Variants in PPDPFL observed in about 807,000 individuals in gnomAD.
The protein encoded by PPDPFL is pancreatic progenitor cell differentiation and proliferation factor like, also known as pancreatic progenitor cell differentiation and proliferation factor-like protein.
Under a neutral mutation model 12.6 loss-of-function variants are expected in PPDPFL, and 12 were observed. The observed-to-expected ratio is 0.95, with a 90% CI of 0.61 to 1.54. PPDPFL has a LOEUF of 1.54. PPDPFL is among the 40% of genes most tolerant of loss of function. PPDPFL has a pLI of 0.00. For synonymous variants in PPDPFL, 24 were observed against 32.7 expected, an observed-to-expected ratio of 0.73 and a Z score of 0.91; for missense variants, 114 against 96.0, an observed-to-expected ratio of 1.19 and a Z score of -0.78.
intron 1 of PPDPFL, among the ~76,000 whole-genome samples, chr8:49,062,979 A>G (rs1276390337): frequency 6.6e-6 from 1 of 152,310 alleles, no homozygotes; most frequent in African/African-American, 2.4e-5. Context: ...TCTGAAAATC[A>G]TTACCCTAGT....
At chr8:49,055,640 T>C (rs117227443) in intron 1 of PPDPFL, among the ~76,000 whole-genome samples, 2,012 of 152,268 alleles carry the variant, frequency 0.013, 39 homozygotes, top group Middle Eastern at 0.058. Context: ...TGCATCTCCA[T>C]CTACAGCTCT....
chr8:49,055,888 A>G (rs529983855), intron 1 of PPDPFL, among the ~76,000 whole-genome samples: 4 of 152,242 alleles, frequency 2.6e-5, no homozygotes, highest in Admixed American at 2.6e-4. Flanking sequence ...GTATTTTGTC[A>G]GTTGTATAGC....
chr8:49,072,099 T>C (rs1008269592), upstream of PPDPFL, among the ~76,000 whole-genome samples: 1 of 152,198 alleles, frequency 6.6e-6, no homozygotes, highest in African/African-American at 2.4e-5. Context: ...TCACCAGCGG[T>C]TGTGATATTA....
intron 1 of PPDPFL, 104 bp downstream of exon 1, chr8:49,072,586 C>G (rs1295739166): frequency 2.7e-6 from 1 of 368,060 alleles, no homozygotes; most frequent in African/African-American, 2.2e-5. Flanking sequence ...TATAGTTTTT[C>G]TTTTTCACCT....
intron 1 of PPDPFL, among the ~76,000 whole-genome samples, chr8:49,067,066 A>T (rs1251787241): frequency 2.6e-5 from 4 of 152,252 alleles, no homozygotes. Context: ...TAAAATCATG[A>T]CAATTAATGG....
intron 1 of PPDPFL, among the ~76,000 whole-genome samples, chr8:49,054,893 G>A (rs1808088782): frequency 6.6e-6 from 1 of 152,082 alleles, no homozygotes; most frequent in Non-Finnish European, 1.5e-5. Flanking sequence ...TTGTAGGGCA[G>A]GCTCACTTTG....
intron 1 of PPDPFL, among the ~76,000 whole-genome samples, chr8:49,062,280 C>A (rs906808019): frequency 1.3e-5 from 2 of 152,140 alleles, no homozygotes. Context: ...GCATCTAACA[C>A]CCTGGCAAGG....
Position 49,075,261 on chromosome 8 carries a change from G to T in PPDPFL, c.*88G>T. 1 of 1,613,920 alleles carries T rather than the reference G, an allele frequency of 6.2e-7. No individual in the cohort carries two copies. Among genetic ancestry groups the T allele is most frequent in the East Asian group, 2.2e-5 (1 of 44,876 alleles). On this transcript the variant is annotated 3_prime_UTR_variant, in exon 5 of 5. Coordinates refer to ENST00000522267, the MANE Select transcript of PPDPFL (RefSeq NM_001256597.2). ...ATGAACAGTTGATTCTGACAATCAAGATCCTCTGCCTGCTGCAGTGGTCCA... is the reference window on the plus strand; with the variant it reads ...ATGAACAGTTGATTCTGACAATCAATATCCTCTGCCTGCTGCAGTGGTCCA...
chr8:49,075,487 C>A lies in PPDPFL; in HGVS notation c.*314C>A. 2 of 583,808 alleles carry A rather than the reference C, an allele frequency of 3.4e-6. No homozygotes were observed. The highest frequency in any genetic ancestry group is 3.1e-5 in the Admixed American group (1 of 32,568). The allele number at this position is 583,808 out of a possible 1,614,324, so 36.2% of individuals were successfully genotyped here. On this transcript the variant is annotated 3_prime_UTR_variant, in exon 5 of 5. Transcript: ENST00000522267. The stretch of plus-strand genomic sequence containing the variant: ...ACCTGGTGCATCTTTGAAAAGTGTG[C>A]CTTTAGAAACAAGACACCCTTTTAA...
chr8:49,071,378 C>T (rs896117368), upstream of PPDPFL, among the ~76,000 whole-genome samples: 3 of 152,224 alleles, frequency 2.0e-5, no homozygotes, highest in African/African-American at 7.2e-5. Flanking sequence ...GCAAAGCAGG[C>T]CGGGCGCAGT....
At chr8:49,070,930 G>T (rs1047105605), upstream of PPDPFL, among the ~76,000 whole-genome samples, 1 of 152,064 alleles carries the variant, frequency 6.6e-6, no homozygotes, top group Admixed American at 6.5e-5. Context: ...TTTCCAGTAC[G>T]CAGTGGAACA....
intron 4 of PPDPFL, chr8:49,074,611 T>G: frequency 2.0e-6 from 3 of 1,535,628 alleles, no homozygotes; most frequent in Non-Finnish European, 2.6e-6. Flanking sequence ...GGGGATGGAC[T>G]GAGAATCAGA....
chr8:49,072,840 G>A lies in PPDPFL; in HGVS notation c.10G>A (p.Val4Ile), dbSNP rs770263479. 9.3e-6 allele frequency: 15 copies of A among 1,604,710 alleles called. No individual in the cohort carries two copies. Among genetic ancestry groups the A allele is most frequent in the African/African-American group, 4.0e-5 (3 of 74,344 alleles). MAS[V>I]PSIGCLLARN... is the part of the protein sequence containing the mutation. Reference sequence around the variant, plus strand: ...TCTCACGGGTAAAGCCATGGCATCCGTACCTTCCATTGGTTGCCTTCTAGC... The same window carrying A: ...TCTCACGGGTAAAGCCATGGCATCCATACCTTCCATTGGTTGCCTTCTAGC... Residue 4 changes from valine to isoleucine, a missense_variant, in exon 2 of 5, where the codon GTA (valine) becomes ATA (isoleucine). Coordinates refer to ENST00000522267, the MANE Select transcript of PPDPFL (RefSeq NM_001256597.2).
chr8:49,073,024 C>A, intron 2 of PPDPFL, 139 bp downstream of exon 2: 1 of 745,728 alleles, frequency 1.3e-6, no homozygotes, highest in East Asian at 2.9e-5. Context: ...AAGCAGGAGG[C>A]CTCAGGGACT....
At chr8:49,063,964 A>G (rs965358404) in intron 1 of PPDPFL, among the ~76,000 whole-genome samples, 2 of 152,160 alleles carry the variant, frequency 1.3e-5, no homozygotes, top group Admixed American at 6.5e-5. Flanking sequence ...CCCATTAAGA[A>G]AGTGCACCTG....
At chr8:49,056,234 C>A (rs1203109224) in intron 1 of PPDPFL, among the ~76,000 whole-genome samples, 2 of 152,170 alleles carry the variant, frequency 1.3e-5, no homozygotes, top group East Asian at 3.9e-4. Context: ...CAGCTGAATT[C>A]ATGGCATTCT....
chr8:49,069,777 A>G (rs777059283), upstream of PPDPFL, among the ~76,000 whole-genome samples: 7 of 152,182 alleles, frequency 4.6e-5, no homozygotes, highest in African/African-American at 7.2e-5. Flanking sequence ...TCTGCTAAAA[A>G]TACAAAAATT....
intron 1 of PPDPFL, among the ~76,000 whole-genome samples, chr8:49,059,829 A>G (rs2129243704): frequency 6.6e-6 from 1 of 152,332 alleles, no homozygotes; most frequent in South Asian, 2.1e-4. Flanking sequence ...AGTTTTCTGT[A>G]GTTTCTGGCA....
At chr8:49,072,761 G>A (rs1808414514) in intron 1 of PPDPFL, 26 bp from the exon 2 acceptor site, 5 of 1,167,176 alleles carry the variant, frequency 4.3e-6, no homozygotes, top group African/African-American at 3.2e-5. Context: ...TCATATCAAT[G>A]TCTCTTTTCT....
Sources: gnomAD v4.1 joint callset for allele counts (sites outside exome capture counted in the v4.1 genomes callset) on GRCh38, gnomAD v4.1.1 for gene constraint, MANE v1.5 for transcripts, NCBI Gene and HGNC (gene_info 2026-07-23, HGNC 2026-07-21) for gene names.